FAT4: variants seen among roughly 807,000 people sequenced by gnomAD.
FAT4 encodes protocadherin Fat 4.
Under a neutral mutation model 303.9 loss-of-function variants are expected in FAT4, and 84 were observed. The observed-to-expected ratio is 0.28, with a 90% CI of 0.23 to 0.33. FAT4 has a LOEUF of 0.33. Ranked by LOEUF, FAT4 falls within the 10% of genes least tolerant of loss-of-function variation. The probability of loss-of-function intolerance (pLI) is 1.00; values close to 1 mark genes in which losing one functional copy is unlikely to be tolerated. For missense variants in FAT4, 6,005 were observed against 6,146.8 expected (o/e 0.98, Z 0.77); for synonymous variants, 2,307 against 2,298.8 (o/e 1.00, Z -0.10).
Position 125,479,784 on chromosome 4 carries a change from C to T in FAT4, c.12523C>T (p.His4175Tyr), listed in dbSNP as rs922292500. The change falls in exon 15 of 18, where the codon CAT (histidine) becomes TAT (tyrosine). Residue 4175 changes from histidine (H) to tyrosine (Y), a missense_variant. Coordinates refer to ENST00000394329, the MANE Select transcript of FAT4 (RefSeq NM_001291303.3). The part of the protein sequence containing the change: ...EGACTRSPCQ[H>Y]GGTCMDYWSW... ...CGCTTGTACTCGCAGCCCATGCCAA[C>T]ATGGTGGCACATGTATGGATTACTG... The T allele has an allele frequency of 3.7e-6, 6 of 1,602,658 alleles. No individual in the cohort carries two copies. The highest frequency in any genetic ancestry group is 5.1e-6 in the Non-Finnish European group (6 of 1,171,822).
At position 125,415,790 on chromosome 4, in the gene FAT4, C is replaced by T. The variant is rs1296208842; in HGVS notation, c.6827C>T (p.Pro2276Leu). ...GTCCCTGAGAATTTAGGGACACTACCCAGAACAATTCTTCAGGTCAGTATA... is the reference window on the plus strand; with the variant it reads ...GTCCCTGAGAATTTAGGGACACTACTCAGAACAATTCTTCAGGTCAGTATA... The part of the protein sequence containing the change: ...VNVPENLGTL[P>L]RTILQVVARD... The change falls in exon 6 of 18, where the codon CCC (proline) becomes CTC (leucine). Residue 2276 changes from proline (P) to leucine (L), a missense_variant. Transcript: ENST00000394329. 6 of 1,610,892 alleles carry T rather than the reference C, an allele frequency of 3.7e-6. No individual in the cohort carries two copies. Among genetic ancestry groups the T allele is most frequent in the Non-Finnish European group, 4.2e-6 (5 of 1,177,960 alleles).
At position 125,356,557 on chromosome 4, in the gene FAT4, T is replaced by G. The variant is rs562087296; in HGVS notation, c.5175+34971T>G. 1.2e-3 allele frequency among the ~76,000 whole-genome samples: 177 copies of G among 149,262 alleles called. 1 individual carries two copies. The highest frequency in any genetic ancestry group is 3.8e-3 in the African/African-American group (156 of 41,082). On this transcript the variant is annotated intron_variant, in intron 2 of 17. Transcript: ENST00000394329. ...AGGGTGTTTTGTTTTTTGTTTTTTT[T>G]TTTTTTTTGCCATTTATAGGTTACA...
At chr4:125,457,685 A>T (rs1483474925) in intron 10 of FAT4, among the ~76,000 whole-genome samples, 1 of 152,054 alleles carries the variant, frequency 6.6e-6, no homozygotes, top group Non-Finnish European at 1.5e-5. Context: ...ATTAGAAAAG[A>T]TGGATAAAGT....
chr4:125,396,850 T>A (rs897733837), intron 2 of FAT4, among the ~76,000 whole-genome samples: 26 of 151,364 alleles, frequency 1.7e-4, no homozygotes, highest in East Asian at 1.2e-3. Flanking sequence ...ATGCAAAAAA[T>A]TTACGTGTAT....
chr4:125,468,805 A>G lies in FAT4; in HGVS notation c.12199A>G (p.Arg4067Gly). 6.2e-7 allele frequency: 1 copy of G among 1,610,600 alleles called. No homozygotes were observed. The highest frequency in any genetic ancestry group is 8.5e-7 in the Non-Finnish European group (1 of 1,177,236). ...TGGACATTTTCACACTGTGATTGCC[A>G]GGAGAGCAGGAATGGTAAGATATTT... is the stretch of plus-strand genomic sequence containing the variant. ...SDGHFHTVIA[R>G]RAGMAASLTV... Residue 4067 changes from arginine to glycine, a missense_variant, in exon 12 of 18, where the codon AGG becomes GGG. Physicochemically the swap from Arg to Gly is moderately radical, Grantham distance 125 (BLOSUM62 -2). Transcript: ENST00000394329.
intron 2 of FAT4, chr4:125,393,976 A>G: frequency 1.3e-6 from 1 of 780,308 alleles, no homozygotes. Context: ...ACCTTAGCTC[A>G]ACCATTAGCT....
In FAT4 at chr4:125,315,614, G is replaced by A. The variant is rs1338064098; in HGVS notation, c.-376G>A. Among the ~76,000 whole-genome samples the A allele has an allele frequency of 6.6e-6, 1 of 152,190 alleles. No homozygotes were observed. The highest frequency in any genetic ancestry group is 2.4e-5 in the African/African-American group (1 of 41,444). ...TGAAAAATGCCGAGGAGCCCTGGCT[G>A]TTGTTTGTGCCGGACCACGGGCTTG... On this transcript the variant is annotated 5_prime_UTR_variant, in exon 1 of 18. Coordinates refer to ENST00000394329, the MANE Select transcript of FAT4 (RefSeq NM_001291303.3).
At chr4:125,363,742 C>A (rs1447487498) in intron 2 of FAT4, among the ~76,000 whole-genome samples, 1 of 152,058 alleles carries the variant, frequency 6.6e-6, no homozygotes, top group African/African-American at 2.4e-5. Flanking sequence ...GATCCGTCCA[C>A]CTTGGCCTCT....
At chr4:125,434,007 T>C (rs973298209) in intron 7 of FAT4, among the ~76,000 whole-genome samples, 2 of 152,218 alleles carry the variant, frequency 1.3e-5, no homozygotes, top group Non-Finnish European at 2.9e-5. Context: ...TAAAATAGAA[T>C]AAGAGCATGA....
chr4:125,356,574 T>C (rs1216217199), intron 2 of FAT4, among the ~76,000 whole-genome samples: 12 of 147,300 alleles, frequency 8.1e-5, no homozygotes, highest in Admixed American at 2.7e-4. Flanking sequence ...TTGCCATTTA[T>C]AGGTTACAAG....
intron 2 of FAT4, among the ~76,000 whole-genome samples, chr4:125,324,782 A>G (rs1394691955): frequency 1.3e-5 from 2 of 152,158 alleles, no homozygotes; most frequent in Non-Finnish European, 2.9e-5. Flanking sequence ...TTGTGTAAGC[A>G]TGTCTTGTCT....
chr4:125,488,091 A>G (rs1361914990), intron 17 of FAT4, among the ~76,000 whole-genome samples: 1 of 152,218 alleles, frequency 6.6e-6, no homozygotes, highest in African/African-American at 2.4e-5. Context: ...AAAAAAGAGA[A>G]AGGAAGGGGA....
intron 2 of FAT4, among the ~76,000 whole-genome samples, chr4:125,395,608 C>T (rs909287795): frequency 3.9e-5 from 6 of 152,174 alleles, no homozygotes; most frequent in Admixed American, 1.3e-4. Flanking sequence ...TGTGAACCAC[C>T]GCGCCCGGCC....
In FAT4 at chr4:125,451,233, T is replaced by C. The variant is rs549805956; in HGVS notation, c.10223T>C (p.Leu3408Pro). Reference sequence around the variant, plus strand: ...GCAAATGACCCACCCATTTTTACTCTAAACATCTACAGTGTGCAGATCAGT... The same window carrying C: ...GCAAATGACCCACCCATTTTTACTCCAAACATCTACAGTGTGCAGATCAGT... ...LDANDPPIFT[L>P]NIYSVQISEG... is the part of the protein sequence containing the mutation. Residue 3408 changes from leucine to proline, a missense_variant, in exon 10 of 18, where the codon CTA (leucine) becomes CCA (proline). Physicochemically the swap from Leu to Pro is moderately conservative, Grantham distance 98. Coordinates refer to ENST00000394329, the MANE Select transcript of FAT4 (RefSeq NM_001291303.3). 6.2e-7 allele frequency: 1 copy of C among 1,614,136 alleles called. No individual in the cohort carries two copies. Among genetic ancestry groups the C allele is most frequent in the South Asian group, 1.1e-5 (1 of 91,090 alleles).
At chr4:125,385,138 C>T (rs1733693566) in intron 2 of FAT4, among the ~76,000 whole-genome samples, 1 of 151,180 alleles carries the variant, frequency 6.6e-6, no homozygotes, top group Non-Finnish European at 1.5e-5. Flanking sequence ...TCTTCTGCCT[C>T]AGCCTCCTGA....
Position 125,468,709 on chromosome 4 carries a change from G to C in FAT4, c.12103G>C (p.Glu4035Gln). 6.2e-7 allele frequency: 1 copy of C among 1,614,148 alleles called. No individual in the cohort carries two copies. The highest frequency in any genetic ancestry group is 1.3e-5 in the African/African-American group (1 of 75,048). ...GTTTTTGGCCCTTGAAATTGCCGAA[G>C]AAAGACTAAGATTCTCTTATAATTT... ...AEFLALEIAE[E>Q]RLRFSYNLGS... Residue 4035 changes from glutamate to glutamine, a missense_variant, in exon 12 of 18, where the codon GAA becomes CAA. Transcript: ENST00000394329.
In FAT4 at chr4:125,320,521, G is replaced by C; in HGVS notation, c.4110G>C (p.Gly1370=). 1 of 1,613,950 alleles carries C rather than the reference G, an allele frequency of 6.2e-7. No individual in the cohort carries two copies. The highest frequency in any genetic ancestry group is 8.5e-7 in the Non-Finnish European group (1 of 1,179,906). The part of the protein sequence containing the change: ...HGTFSISPNT[G]SIFLAKKLDF... ...CTTTTAGCATTAGCCCAAACACTGG[G>C]AGTATTTTTCTTGCCAAAAAACTGG... Residue 1370 remains glycine, a synonymous_variant, in exon 2 of 18, where the codon GGG becomes GGC. Transcript: ENST00000394329.
intron 10 of FAT4, among the ~76,000 whole-genome samples, chr4:125,453,304 TTTATCATCATCG>T (rs1199677078): frequency 6.6e-6 from 1 of 152,246 alleles, no homozygotes; most frequent in African/African-American, 2.4e-5. Context: ...TTGTTGATTC[TTTATCATCATCG>T]TTTTTGTGAC....
At position 125,457,381 on chromosome 4, in the gene FAT4, TCA is replaced by T. The variant is rs370124915; in HGVS notation, c.11800+4574_11800+4575del. Among the ~76,000 whole-genome samples the T allele has an allele frequency of 7.3e-4, 111 of 152,238 alleles. 1 individual carries two copies. The highest frequency in any genetic ancestry group is 2.5e-3 in the African/African-American group (105 of 41,576). The stretch of plus-strand genomic sequence containing the variant: ...AAGGGATATAGTTATTATCATACTG[TCA>T]CAAGTTTATTTCTGAAATATTCTTA... On this transcript the variant is annotated intron_variant, in intron 10 of 17. Coordinates refer to ENST00000394329, the MANE Select transcript of FAT4 (RefSeq NM_001291303.3).
Sources: allele counts gnomAD v4.1 joint callset (sites outside exome capture counted in the v4.1 genomes callset), GRCh38; gene constraint gnomAD v4.1.1; transcripts MANE v1.5; gene names NCBI Gene and HGNC (gene_info 2026-07-23, HGNC 2026-07-21).